ZNF536: variants seen among roughly 807,000 people sequenced by gnomAD.
The protein encoded by ZNF536 is zinc finger protein 536.
A neutral mutation model predicts 84.5 loss-of-function variants in ZNF536; 13 were observed. The ratio of observed to expected loss-of-function variants is 0.15; its 90% confidence interval spans 0.10 to 0.24. ZNF536 has a LOEUF of 0.24. Ranked by LOEUF, ZNF536 falls within the 10% of genes least tolerant of loss-of-function variation. ZNF536 has a pLI of 1.00. For synonymous variants in ZNF536, 811 were observed against 742.5 expected (o/e 1.09, Z -1.50); for missense variants, 1,536 against 1,747.5 (o/e 0.88, Z 2.16).
At chr19:30,515,665 A>G (rs1297714315) in intron 2 of ZNF536, among the ~76,000 whole-genome samples, 1 of 152,120 alleles carries the variant, frequency 6.6e-6, no homozygotes, top group Non-Finnish European at 1.5e-5. Context: ...AGAAGCAGAT[A>G]CAAAATTGTT....
chr19:30,432,919 T>A (rs2051541882), intron 1 of ZNF536, among the ~76,000 whole-genome samples: 1 of 152,168 alleles, frequency 6.6e-6, no homozygotes, highest in Non-Finnish European at 1.5e-5. Flanking sequence ...GTCTTTTTTA[T>A]AGGAACCTGG....
At chr19:30,511,207 C>A (rs2055401097) in intron 2 of ZNF536, among the ~76,000 whole-genome samples, 1 of 152,130 alleles carries the variant, frequency 6.6e-6, no homozygotes, top group Admixed American at 6.5e-5. Context: ...GACACCTTGC[C>A]CAGCTCTCAG....
Position 30,548,186 on chromosome 19 carries a change from C to G in ZNF536, c.2567C>G (p.Ser856Cys), listed in dbSNP as rs1311201219. ...ATCGACTTCAGAGGAGGCCCTGCAT[C>G]TCAGCAGTGGACATCAGGGGTTCTC... ...PGIDFRGGPA[S>C]QQWTSGVLSS... Residue 856 changes from serine to cysteine, a missense_variant, in exon 4 of 5, where the codon TCT (serine) becomes TGT (cysteine). Physicochemically the swap from Ser to Cys is moderately radical, Grantham distance 112. This residue lies in a region of ZNF536 where 624 missense variants were observed against 603.1 expected (regional missense o/e 1.03). Transcript: ENST00000355537. 1 of 1,614,210 alleles carries G rather than the reference C, an allele frequency of 6.2e-7. No individual in the cohort carries two copies. Among genetic ancestry groups the G allele is most frequent in the Non-Finnish European group, 8.5e-7 (1 of 1,180,050 alleles).
chr19:30,679,406 G>A (rs1248116563), intron 1 of ZNF536, among the ~76,000 whole-genome samples: 1 of 152,220 alleles, frequency 6.6e-6, no homozygotes, highest in Non-Finnish European at 1.5e-5. Context: ...CAGAAACAAG[G>A]TGGCTGGGGG....
chr19:30,354,176 T>C (rs2048022770), intron 3 of ZNF536, among the ~76,000 whole-genome samples: 1 of 151,146 alleles, frequency 6.6e-6, no homozygotes, highest in Non-Finnish European at 1.5e-5. Flanking sequence ...TCTTGGACTC[T>C]GTAGAATAAA....
intron 2 of ZNF536, among the ~76,000 whole-genome samples, chr19:30,479,622 C>T (rs774105518): frequency 6.6e-6 from 1 of 152,218 alleles, no homozygotes; most frequent in Non-Finnish European, 1.5e-5. Flanking sequence ...CTCACGCACA[C>T]CCCACTTCCC....
At chr19:30,443,312 A>G (rs928060797) in intron 1 of ZNF536, among the ~76,000 whole-genome samples, 4 of 152,244 alleles carry the variant, frequency 2.6e-5, no homozygotes, top group African/African-American at 9.6e-5. Flanking sequence ...AGGTGAATGA[A>G]TAATTGCAGT....
chr19:30,552,443 G>A (rs1599779149), intron 4 of ZNF536, among the ~76,000 whole-genome samples: 1 of 152,166 alleles, frequency 6.6e-6, no homozygotes, highest in Non-Finnish European at 1.5e-5. Context: ...CTCAAGGGGT[G>A]TAAAAGTGTT....
intron 2 of ZNF536, among the ~76,000 whole-genome samples, chr19:30,304,044 CA>C (rs1465323979): frequency 7.2e-5 from 11 of 152,188 alleles, no homozygotes; most frequent in Admixed American, 6.5e-4. Context: ...CTGGATGGAG[CA>C]GCGTGGGGGA....
chr19:30,535,076 G>A (rs2145943289), intron 3 of ZNF536, 77 bp downstream of exon 3: 1 of 1,498,576 alleles, frequency 6.7e-7, no homozygotes, highest in South Asian at 1.4e-5. Flanking sequence ...TCTGGCCCAG[G>A]TCCACAGCTG....
intron 1 of ZNF536, among the ~76,000 whole-genome samples, chr19:30,697,235 A>G (rs957236391): frequency 1.3e-5 from 2 of 152,098 alleles, no homozygotes; most frequent in Non-Finnish European, 2.9e-5. Flanking sequence ...CCATGATCCA[A>G]TCACCTCCCA....
rs547949599 is a variant in ZNF536 at position 30,389,215 on chromosome 19, G to A, written c.-3+16659G>A. Among the ~76,000 whole-genome samples the A allele has an allele frequency of 6.6e-5, 10 of 152,334 alleles. No homozygotes were observed. The East Asian group carries it at 1.9e-3, about 29-fold the overall frequency. ...TTCTCCAATTTCCAAGTAGAGTTCT[G>A]GTTTGCGCAGCTTTTCTACTCAAAG... On this transcript the variant is annotated intron_variant, in intron 1 of 4. Coordinates refer to ENST00000355537, the MANE Select transcript of ZNF536 (RefSeq NM_014717.3).
At chr19:30,530,616 G>A (rs1000656877) in intron 2 of ZNF536, among the ~76,000 whole-genome samples, 3 of 152,112 alleles carry the variant, frequency 2.0e-5, no homozygotes, top group Non-Finnish European at 4.4e-5. Flanking sequence ...CAAAGTTCTG[G>A]GATTACAGGT....
intron 1 of ZNF536, among the ~76,000 whole-genome samples, chr19:30,614,122 CA>C (rs1306449855): frequency 6.6e-6 from 1 of 152,226 alleles, no homozygotes; most frequent in Admixed American, 6.5e-5. Context: ...CTTGGCCTCC[CA>C]AAGTGCTGGG....
At chr19:30,411,695 AT>A (rs2050501917) in intron 1 of ZNF536, among the ~76,000 whole-genome samples, 3 of 152,124 alleles carry the variant, frequency 2.0e-5, no homozygotes, top group Admixed American at 2.0e-4. Context: ...CATTATTTCA[AT>A]TATTATAGTT....
chr19:30,264,979 G>GAGAGAGAA, intron 1 of ZNF536, among the ~76,000 whole-genome samples: 1 of 151,400 alleles, frequency 6.6e-6, no homozygotes, highest in African/African-American at 2.4e-5. Flanking sequence ...GAGAGAGAGA[G>GAGAGAGAA]AGAAAGAGAG....
intron 1 of ZNF536, among the ~76,000 whole-genome samples, chr19:30,661,827 G>A (rs577413466): frequency 6.7e-6 from 1 of 150,046 alleles, no homozygotes; most frequent in East Asian, 1.9e-4. Context: ...GGCTGTATTT[G>A]AAGCATACAT....
chr19:30,245,928 C>T (rs1017254531), intron 1 of ZNF536, among the ~76,000 whole-genome samples: 1 of 152,192 alleles, frequency 6.6e-6, no homozygotes, highest in African/African-American at 2.4e-5. Flanking sequence ...GGTTCTTTGT[C>T]GCTGCTGAGA....
At chr19:30,434,843 AATG>A (rs1391991997) in intron 1 of ZNF536, among the ~76,000 whole-genome samples, 5 of 132,076 alleles carry the variant, frequency 3.8e-5, no homozygotes, top group African/African-American at 1.2e-4. Context: ...TGGTAATGAT[AATG>A]ATGATGATGG....
Sources: gnomAD v4.1 joint callset for allele counts (sites outside exome capture counted in the v4.1 genomes callset) on GRCh38, gnomAD v4.1.1 for gene constraint, gnomAD v4.1.1 regional missense constraint, MANE v1.5 for transcripts, NCBI Gene and HGNC (gene_info 2026-07-23, HGNC 2026-07-21) for gene names.